Variants in SPATA24 observed in about 807,000 individuals in gnomAD.
SPATA24 encodes the protein spermatogenesis-associated protein 24.
SPATA24 carries 21 observed loss-of-function variants against 28.9 expected under a neutral mutation model. The observed-to-expected ratio is 0.73, with a 90% CI of 0.52 to 1.05. The LOEUF is 1.05. SPATA24 is among the 50% of genes least tolerant of loss of function. The pLI, the probability that SPATA24 is intolerant of heterozygous loss-of-function variation, is 0.00. For synonymous variants in SPATA24, 76 were observed against 89.9 expected (o/e 0.85, Z 0.88); for missense variants, 215 against 242.9 (o/e 0.88, Z 0.76).
downstream of SPATA24, chr5:139,393,353 C>T (rs1458172633): frequency 1.9e-6 from 3 of 1,551,318 alleles, no homozygotes; most frequent in East Asian, 2.4e-5. Context: ...TGCTGACTCC[C>T]TCCAAAGGCA....
At chr5:139,402,177 G>A (rs942556179) in intron 2 of SPATA24, 132 bp from the exon 3 acceptor site, 6 of 1,150,864 alleles carry the variant, frequency 5.2e-6, no homozygotes, top group Non-Finnish European at 7.1e-6. Flanking sequence ...CCTTGCTACA[G>A]GGGCTGGAGG....
chr5:139,398,770 T>A (rs1019869261), intron 4 of SPATA24, among the ~76,000 whole-genome samples: 10 of 149,496 alleles, frequency 6.7e-5, no homozygotes, highest in Non-Finnish European at 1.2e-4. Context: ...ATGCCTGTAA[T>A]CCCAGCACTT....
downstream of SPATA24, chr5:139,395,226 G>T: frequency 1.3e-6 from 1 of 786,104 alleles, no homozygotes; most frequent in Non-Finnish European, 1.8e-6. Context: ...GGCGCCGGCA[G>T]CAGAAAAGAC....
At chr5:139,394,585 CG>C, downstream of SPATA24, 1 of 1,528,526 alleles carries the variant, frequency 6.5e-7, no homozygotes, top group Middle Eastern at 1.7e-4. Flanking sequence ...GGTGGCCCAG[CG>C]GGAGCCACCA....
chr5:139,397,935 G>C (rs1435091497), intron 4 of SPATA24, among the ~76,000 whole-genome samples: 1 of 152,218 alleles, frequency 6.6e-6, no homozygotes, highest in Admixed American at 6.5e-5. Context: ...TGGGATGTAA[G>C]GTCCACAAGG....
downstream of SPATA24, chr5:139,392,521 G>A (rs1043139062): frequency 1.5e-6 from 2 of 1,344,412 alleles, no homozygotes; most frequent in African/African-American, 1.5e-5. The surrounding 1 kb of genome is among the most constrained non-coding windows in gnomAD (Gnocchi z 5.8). Flanking sequence ...AGGCGCCGAG[G>A]CAGCGCGGGG....
At chr5:139,392,543 C>CCCAGA, downstream of SPATA24, 1 of 1,347,728 alleles carries the variant, frequency 7.4e-7, no homozygotes, top group Non-Finnish European at 9.5e-7. This position sits in a 1 kb window ranked among gnomAD's most constrained non-coding sequence, Gnocchi z 5.8. Context: ...TGGGCTGGGG[C>CCCAGA]CGTCCTGCCC....
chr5:139,395,036 G>T (rs918190966), downstream of SPATA24: 3 of 1,432,808 alleles, frequency 2.1e-6, no homozygotes, highest in Non-Finnish European at 1.8e-6. Context: ...GTGGGCAGCT[G>T]CCTCGGGATC....
Position 139,401,747 on chromosome 5 carries a change from C to T in SPATA24, c.385+8G>A, listed in dbSNP as rs1406976017. 1 of 1,551,658 alleles carries T rather than the reference C, an allele frequency of 6.4e-7. No individual in the cohort carries two copies. Among genetic ancestry groups the T allele is most frequent in the Non-Finnish European group, 8.7e-7 (1 of 1,146,980 alleles). On this transcript the variant is annotated splice_region_variant and intron_variant, in intron 4 of 5. Transcript: ENST00000450845. ...AACCGTGGTGGAGAGCACGGGCCTC[C>T]CGCCTACCATTGCACTTGGTGATGA...
downstream of SPATA24, chr5:139,396,520 T>G (rs1758709572): frequency 8.0e-7 from 1 of 1,252,992 alleles, no homozygotes; most frequent in East Asian, 4.1e-5. Flanking sequence ...TGTAGTCAAG[T>G]TGGGAAGTTA....
At chr5:139,392,839 G>A (rs1458082979), downstream of SPATA24, 1 of 1,536,470 alleles carries the variant, frequency 6.5e-7, no homozygotes, top group Non-Finnish European at 8.8e-7. The surrounding 1 kb of genome is among the most constrained non-coding windows in gnomAD (Gnocchi z 5.8). Flanking sequence ...CACTCGCGAG[G>A]TTACCTCGGG....
chr5:139,401,313 T>C (rs777007057), intron 4 of SPATA24: 7 of 475,562 alleles, frequency 1.5e-5, no homozygotes, highest in Admixed American at 3.8e-5. Flanking sequence ...AAATAACTCT[T>C]AGTTTCCATT....
intron 4 of SPATA24, among the ~76,000 whole-genome samples, chr5:139,399,166 A>G: frequency 6.6e-6 from 1 of 151,946 alleles, no homozygotes; most frequent in Non-Finnish European, 1.5e-5. Flanking sequence ...AAATACAAAA[A>G]ATTAGCCAGG....
chr5:139,393,540 C>T, downstream of SPATA24: 1 of 1,551,260 alleles, frequency 6.4e-7, no homozygotes, highest in South Asian at 1.2e-5. Context: ...GAGATGGGCC[C>T]CAAGTTCCAA....
At chr5:139,395,337 A>G (rs1173691086), downstream of SPATA24, 5 of 391,266 alleles carry the variant, frequency 1.3e-5, no homozygotes, top group Non-Finnish European at 2.3e-5. Context: ...TTTGGCTGAC[A>G]GGCAGGTGAG....
downstream of SPATA24, chr5:139,392,854 C>G: frequency 1.9e-6 from 3 of 1,540,822 alleles, no homozygotes; most frequent in Non-Finnish European, 2.6e-6. This position sits in a 1 kb window ranked among gnomAD's most constrained non-coding sequence, Gnocchi z 5.8. Context: ...CTCGGGCCGG[C>G]GACCCAAGGC....
chr5:139,394,865 C>T (rs1758668659), downstream of SPATA24: 1 of 1,529,026 alleles, frequency 6.5e-7, no homozygotes, highest in African/African-American at 1.4e-5. Context: ...TGGGCGCTGA[C>T]GGACAGGCGA....
At chr5:139,393,146 A>G, downstream of SPATA24, 2 of 1,543,682 alleles carry the variant, frequency 1.3e-6, no homozygotes, top group Non-Finnish European at 1.8e-6. Context: ...GGCAGCCCAG[A>G]GCCTTGTGCT....
chr5:139,403,862 C>T, intron 1 of SPATA24, 82 bp downstream of exon 1: 2 of 1,215,772 alleles, frequency 1.6e-6, no homozygotes, highest in Non-Finnish European at 2.4e-6. Context: ...GCCACGGCCC[C>T]CGCATCGGAA....
Sources: allele counts gnomAD v4.1 joint callset (sites outside exome capture counted in the v4.1 genomes callset), GRCh38; gene constraint gnomAD v4.1.1; non-coding constraint Gnocchi (gnomAD v3.1); transcripts MANE v1.5; gene names NCBI Gene and HGNC (gene_info 2026-07-23, HGNC 2026-07-21).